Variants in HSPB2 observed in about 807,000 individuals in gnomAD.
HSPB2 encodes heat shock protein family B (small) member 2.
A neutral mutation model predicts 14.1 loss-of-function variants in HSPB2; 14 were observed. The observed-to-expected ratio is 0.99, with a 90% CI of 0.66 to 1.55. The LOEUF (loss-of-function observed/expected upper bound fraction) is 1.55. Among genes scored for constraint, HSPB2 ranks in the 40% most tolerant of loss-of-function variants. The probability of loss-of-function intolerance (pLI) is 0.00; values close to 1 mark genes in which losing one functional copy is unlikely to be tolerated. For synonymous variants in HSPB2, 110 were observed against 103.4 expected, an observed-to-expected ratio of 1.06 and a Z score of -0.39; for missense variants, 242 against 241.7, an observed-to-expected ratio of 1.00 and a Z score of -0.01.
chr11:111,912,977 G>A (rs1181306292), intron 1 of HSPB2, 54 bp downstream of exon 1: 3 of 1,356,316 alleles, frequency 2.2e-6, no homozygotes, highest in Non-Finnish European at 3.0e-6. Flanking sequence ...TGAAATTCTG[G>A]GCTGACCTCC....
Position 111,913,220 on chromosome 11 carries a change from C to G in HSPB2, c.95-221C>G. ...TTTGGTGCCTCCTCCTCCTCCCCCT[C>G]CTCCTCCTTCTCCTCCTCCTCCTCC... On this transcript the variant is annotated intron_variant, in intron 1 of 1. Transcript: ENST00000304298. 5 of 606,496 alleles carry G rather than the reference C, an allele frequency of 8.2e-6. No homozygotes were observed. In the South Asian group the frequency reaches 9.9e-5, roughly 12 times the overall value. 37.6% of individuals were successfully genotyped at this position (606,496 alleles called of 1,614,324 possible).
intron 1 of HSPB2, 34 bp downstream of exon 1, chr11:111,912,957 C>A (rs545496413): frequency 6.7e-7 from 1 of 1,487,544 alleles, no homozygotes. Context: ...TGCCCCCCAC[C>A]CCCACCCCCT....
In HSPB2 at chr11:111,913,865, A is replaced by G; in HGVS notation, c.519A>G (p.Glu173=). 6.2e-7 allele frequency: 1 copy of G among 1,612,240 alleles called. No homozygotes were observed. The highest frequency in any genetic ancestry group is 8.5e-7 in the Non-Finnish European group (1 of 1,179,168). The part of the protein sequence containing the change: ...SLLPAPPDPE[E]EEEAAIVEP The stretch of plus-strand genomic sequence containing the variant: ...TCCCTGCGCCTCCTGATCCAGAGGA[A>G]GAGGAGGAGGCAGCCATAGTTGAGC... Residue 173 remains glutamate (E), a synonymous_variant, in exon 2 of 2, where the codon GAA becomes GAG. Coordinates refer to ENST00000304298, the MANE Select transcript of HSPB2 (RefSeq NM_001541.4).
In HSPB2 at chr11:111,913,442, C is replaced by T. The variant is rs782740585; in HGVS notation, c.96C>T (p.Gly32=). ...SRLGEQRFGE[G]LLPEEILTPT... ...TCTTGCCTTCTCTCTGCCCTTTAGG[C>T]CTCCTGCCAGAAGAGATCCTGACCC... is the stretch of plus-strand genomic sequence containing the variant. The change falls in exon 2 of 2, where the codon GGC becomes GGT. Residue 32 remains glycine (G), a splice_region_variant and synonymous_variant. Transcript: ENST00000304298. 4.9e-5 allele frequency: 78 copies of T among 1,603,752 alleles called. No homozygotes were observed. Among genetic ancestry groups the T allele is most frequent in the Non-Finnish European group, 6.1e-5 (72 of 1,178,266 alleles).
At chr11:111,912,978 G>A in intron 1 of HSPB2, 55 bp downstream of exon 1, 1 of 1,363,800 alleles carries the variant, frequency 7.3e-7, no homozygotes, top group Non-Finnish European at 1.0e-6. Context: ...GAAATTCTGG[G>A]CTGACCTCCC....
chr11:111,913,217 CCTCCTCCTCCTT>C, intron 1 of HSPB2: 1 of 604,302 alleles, frequency 1.7e-6, no homozygotes, highest in East Asian at 2.8e-5. Flanking sequence ...TCCTCCTCCC[CCTCCTCCTCCTT>C]CTCCTCCTCC....
chr11:111,913,000 C>A, intron 1 of HSPB2, 77 bp downstream of exon 1: 1 of 958,154 alleles, frequency 1.0e-6, no homozygotes, highest in Non-Finnish European at 1.5e-6. Flanking sequence ...ACGTTGCTGG[C>A]CTCCACCCCA....
chr11:111,913,531 C>T lies in HSPB2; in HGVS notation c.185C>T (p.Ala62Val). The change falls in exon 2 of 2, where the codon GCA (alanine) becomes GTA (valine). Residue 62 changes from alanine to valine, a missense_variant. Coordinates refer to ENST00000304298, the MANE Select transcript of HSPB2 (RefSeq NM_001541.4). ...GCCCCAGCTGGGGAGGGCAGCAGGG[C>T]AGGGGCCTCCGAGCTTAGGCTCAGT... is the stretch of plus-strand genomic sequence containing the variant. Reference protein sequence around the residue: ...RAAPAGEGSRAGASELRLSEG... With the variant: ...RAAPAGEGSRVGASELRLSEG... The T allele has an allele frequency of 1.2e-6, 2 of 1,614,124 alleles. No individual in the cohort carries two copies. The highest frequency in any genetic ancestry group is 1.7e-6 in the Non-Finnish European group (2 of 1,180,010).
chr11:111,913,514 T>C lies in HSPB2; in HGVS notation c.168T>C (p.Ala56=), dbSNP rs1965538446. 6.2e-7 allele frequency: 1 copy of C among 1,613,996 alleles called. No individual in the cohort carries two copies. The highest frequency in any genetic ancestry group is 8.5e-7 in the Non-Finnish European group (1 of 1,179,978). ...GYYVRPRAAP[A]GEGSRAGASE... is the part of the protein sequence containing the mutation. Reference sequence around the variant, plus strand: ...ATGTCCGGCCTCGGGCCGCCCCAGCTGGGGAGGGCAGCAGGGCAGGGGCCT... The same window carrying C: ...ATGTCCGGCCTCGGGCCGCCCCAGCCGGGGAGGGCAGCAGGGCAGGGGCCT... The change falls in exon 2 of 2, where the codon GCT becomes GCC. Residue 56 remains alanine, a synonymous_variant. Transcript: ENST00000304298.
Position 111,914,009 on chromosome 11 carries a change from C to A in HSPB2, c.*114C>A. ...TTGGGGGAAGGGAAAGGTGCATGGT[C>A]CACAATGTATGGTTTGGTCCCATGG... On this transcript the variant is annotated 3_prime_UTR_variant, in exon 2 of 2. Coordinates refer to ENST00000304298, the MANE Select transcript of HSPB2 (RefSeq NM_001541.4). The A allele has an allele frequency of 2.1e-6, 2 of 933,108 alleles. No individual in the cohort carries two copies. The highest frequency in any genetic ancestry group is 3.4e-5 in the South Asian group (2 of 58,686). 57.8% of individuals were successfully genotyped at this position (933,108 alleles called of 1,614,324 possible).
At chr11:111,912,945 C>T (rs1398041854) in intron 1 of HSPB2, 22 bp downstream of exon 1, 19 of 1,526,748 alleles carry the variant, frequency 1.2e-5, no homozygotes, top group Non-Finnish European at 1.7e-5. Context: ...ACACCACCCC[C>T]TTGCCCCCCA....
intron 1 of HSPB2, chr11:111,913,229 TCTC>T (rs1385611234): frequency 1.2e-4 from 71 of 583,436 alleles, no homozygotes; most frequent in Middle Eastern, 2.9e-4. Context: ...TCCTCCTCCT[TCTC>T]CTCCTCCTCC....
intron 1 of HSPB2, 141 bp from the exon 2 acceptor site, chr11:111,913,300 A>G (rs1592512452): frequency 1.5e-6 from 1 of 682,802 alleles, no homozygotes; most frequent in Non-Finnish European, 2.6e-6. Flanking sequence ...TCCTAGCTAC[A>G]GTGTGGCCTC....
chr11:111,913,841 C>T lies in HSPB2; in HGVS notation c.495C>T (p.Leu165=). ...TCAATGAGGTCTACATCTCCCTGCT[C>T]CCTGCGCCTCCTGATCCAGAGGAAG... ...TEVNEVYISL[L]PAPPDPEEEE... is the part of the protein sequence containing the mutation. The change falls in exon 2 of 2, where the codon CTC becomes CTT. Residue 165 remains leucine (L), a synonymous_variant. Transcript: ENST00000304298. 1 of 1,613,898 alleles carries T rather than the reference C, an allele frequency of 6.2e-7. No homozygotes were observed. The highest frequency in any genetic ancestry group is 1.1e-5 in the South Asian group (1 of 91,054).
intron 1 of HSPB2, 109 bp from the exon 2 acceptor site, chr11:111,913,332 T>C: frequency 1.2e-6 from 1 of 833,784 alleles, no homozygotes; most frequent in Non-Finnish European, 1.9e-6. Flanking sequence ...CTACTCCTCC[T>C]GACTCCCCTC....
chr11:111,912,872 G>A lies in HSPB2; in HGVS notation c.43G>A (p.Glu15Lys). The A allele has an allele frequency of 1.2e-6, 2 of 1,609,726 alleles. No individual in the cohort carries two copies. ...GCCACATGCCCACCCGGCCACCGCC[G>A]AGTACGAATTTGCCAACCCGAGCCG... is the stretch of plus-strand genomic sequence containing the variant. ...SVPHAHPATA[E>K]YEFANPSRLG... is the part of the protein sequence containing the mutation. Residue 15 changes from glutamate (E) to lysine (K), a missense_variant, in exon 1 of 2, where the codon GAG becomes AAG. Physicochemically the swap from Glu to Lys is moderately conservative, Grantham distance 56. Coordinates refer to ENST00000304298, the MANE Select transcript of HSPB2 (RefSeq NM_001541.4).
chr11:111,913,213 TC>T (rs1293348950), intron 1 of HSPB2: 83 of 571,580 alleles, frequency 1.5e-4, no homozygotes, highest in Admixed American at 4.6e-4. Context: ...CTCCTCCTCC[TC>T]CCCCTCCTCC....
In HSPB2 at chr11:111,914,000, G is replaced by A. The variant is rs1178973647; in HGVS notation, c.*105G>A. On this transcript the variant is annotated 3_prime_UTR_variant, in exon 2 of 2. Transcript: ENST00000304298. ...GCAGCATCCTTGGGGGAAGGGAAAG[G>A]TGCATGGTCCACAATGTATGGTTTG... 3.0e-6 allele frequency: 3 copies of A among 993,488 alleles called. No individual in the cohort carries two copies. Among genetic ancestry groups the A allele is most frequent in the Non-Finnish European group, 4.4e-6 (3 of 684,546 alleles). 61.5% of individuals were successfully genotyped at this position (993,488 alleles called of 1,614,324 possible). A position where few individuals can be genotyped will look rare whatever the true frequency, so the allele number is the denominator to read the frequency against.
At position 111,913,960 on chromosome 11, in the gene HSPB2, A is replaced by G. The variant is rs1965555458; in HGVS notation, c.*65A>G. The G allele has an allele frequency of 7.2e-7, 1 of 1,383,032 alleles. No individual in the cohort carries two copies. Among genetic ancestry groups the G allele is most frequent in the Non-Finnish European group, 9.9e-7 (1 of 1,011,014 alleles). The allele number at this position is 1,383,032 out of a possible 1,614,324, so 85.7% of individuals were successfully genotyped here. On this transcript the variant is annotated 3_prime_UTR_variant, in exon 2 of 2. Transcript: ENST00000304298. Reference sequence around the variant, plus strand: ...CCCAAGGTGATATGGGCAGCTGCCCACCACTCCAGAGGTAGCAGCATCCTT... The same window carrying G: ...CCCAAGGTGATATGGGCAGCTGCCCGCCACTCCAGAGGTAGCAGCATCCTT...
Sources: gnomAD v4.1 joint callset for allele counts on GRCh38, gnomAD v4.1.1 for gene constraint, MANE v1.5 for transcripts, NCBI Gene and HGNC (gene_info 2026-07-23, HGNC 2026-07-21) for gene names.